The following NIFK variants were observed in gnomAD, a reference collection of about 807,000 sequenced individuals.
NIFK encodes the protein MKI67 FHA domain-interacting nucleolar phosphoprotein.
Under a neutral mutation model 31.7 loss-of-function variants are expected in NIFK, and 16 were observed. The ratio of observed to expected loss-of-function variants is 0.50; its 90% CI spans 0.34 to 0.77. The LOEUF (loss-of-function observed/expected upper bound fraction) is 0.77. Ranked by LOEUF, NIFK falls within the 30% of genes least tolerant of loss-of-function variation. NIFK has a pLI of 0.01. For synonymous variants in NIFK, 126 were observed against 123.0 expected (o/e 1.02, Z -0.16); for missense variants, 341 against 350.4 (o/e 0.97, Z 0.21).
rs183516657 is a variant in NIFK at position 121,727,414 on chromosome 2, C to T, written c.*310G>A. On this transcript the variant is annotated 3_prime_UTR_variant, in exon 7 of 7. Coordinates refer to ENST00000285814, the MANE Select transcript of NIFK (RefSeq NM_032390.5). ...AAAAGGCTGCAGTTTAGTACTTAAA[C>T]CTGCAGTTAGTGGTCAACTTTCTAT... 6.5e-3 allele frequency: 3,480 copies of T among 533,130 alleles called. 21 individuals carry two copies. Among genetic ancestry groups the T allele is most frequent in the Admixed American group, 0.01 (450 of 44,462 alleles). 33.0% of individuals were successfully genotyped at this position (533,130 alleles called of 1,614,324 possible).
At chr2:121,732,265 C>T in intron 2 of NIFK, 61 bp from the exon 3 acceptor site, 1 of 937,466 alleles carries the variant, frequency 1.1e-6, no homozygotes. Flanking sequence ...TCATCAAATT[C>T]CTAAAATGCC....
chr2:121,733,844 T>A (rs75438388), intron 2 of NIFK, among the ~76,000 whole-genome samples: 4 of 152,216 alleles, frequency 2.6e-5, no homozygotes, highest in Admixed American at 6.5e-5. Flanking sequence ...AAACTTTTTT[T>A]AAAACCCTCA....
At position 121,727,156 on chromosome 2, in the gene NIFK, A is replaced by C. The variant is rs1430789096; in HGVS notation, c.*568T>G. ...TTATTAATTCATGCTAGCACAACCA[A>C]AACTAATTTAACATTATTGGTAAAA... On this transcript the variant is annotated 3_prime_UTR_variant, in exon 7 of 7. Transcript: ENST00000285814. 4 of 251,262 alleles carry C rather than the reference A, an allele frequency of 1.6e-5. No individual in the cohort carries two copies. The highest frequency in any genetic ancestry group is 6.8e-5 in the African/African-American group (3 of 44,212). 15.6% of individuals were successfully genotyped at this position (251,262 alleles called of 1,614,324 possible).
chr2:121,728,027 G>C, intron 6 of NIFK, 115 bp from the exon 7 acceptor site: 3 of 1,004,246 alleles, frequency 3.0e-6, no homozygotes, highest in Non-Finnish European at 4.3e-6. Context: ...TTTTAGCTCT[G>C]TTACCATCTT....
At chr2:121,732,852 G>C (rs1048106958) in intron 2 of NIFK, among the ~76,000 whole-genome samples, 2 of 152,010 alleles carry the variant, frequency 1.3e-5, no homozygotes, top group Non-Finnish European at 2.9e-5. Flanking sequence ...GGAGGCCAAG[G>C]AGGGTGGATC....
rs1462593906 is a variant in NIFK, at chr2:121,736,759, T to C, written c.92A>G (p.Lys31Arg). The C allele has an allele frequency of 2.5e-6, 4 of 1,613,868 alleles. No individual in the cohort carries two copies. The highest frequency in any genetic ancestry group is 3.4e-6 in the Non-Finnish European group (4 of 1,179,842). The change falls in exon 1 of 7, where the codon AAG becomes AGG. Residue 31 changes from lysine (K) to arginine (R), a missense_variant. Physicochemically the swap from Lys to Arg is conservative, Grantham distance 26. Transcript: ENST00000285814. ...GTGCCTGCTCACCTGGGTTATGCGCTTGCGAACCTGCGCCACCTCCTTTTG... is the reference window on the plus strand; with the variant it reads ...GTGCCTGCTCACCTGGGTTATGCGCCTGCGAACCTGCGCCACCTCCTTTTG... ...EFQKEVAQVR[K>R]RITQRKKQEQ... is the part of the protein sequence containing the mutation.
At chr2:121,730,810 C>A (rs2074533054) in intron 4 of NIFK, 83 bp downstream of exon 4, 4 of 911,956 alleles carry the variant, frequency 4.4e-6, no homozygotes, top group Non-Finnish European at 7.2e-6. Flanking sequence ...GTGGTAAGTG[C>A]TAGGCTAGGT....
At chr2:121,730,831 G>A in intron 4 of NIFK, 62 bp downstream of exon 4, 1 of 1,130,652 alleles carries the variant, frequency 8.8e-7, no homozygotes, top group Non-Finnish European at 1.3e-6. Flanking sequence ...ACTTTACAAG[G>A]TACAAAGCTG....
intron 6 of NIFK, 38 bp downstream of exon 6, chr2:121,728,250 A>G (rs1291761375): frequency 1.6e-6 from 2 of 1,235,578 alleles, no homozygotes; most frequent in Middle Eastern, 2.7e-4. Context: ...AATTATTTCT[A>G]TAATATCTGG....
chr2:121,730,907 C>G lies in NIFK; in HGVS notation c.550G>C (p.Asp184His), dbSNP rs1207110611. The change falls in exon 4 of 7, where the codon GAT becomes CAT. Residue 184 changes from aspartate to histidine, a missense_variant. Asp to His is a moderately conservative substitution (Grantham distance 81). Coordinates refer to ENST00000285814, the MANE Select transcript of NIFK (RefSeq NM_032390.5). ...CGAATATTTACCAAAGAAGGAAAAT[C>G]ATAGTCAATTCCTTTTTTAGCTAAT... is the stretch of plus-strand genomic sequence containing the variant. The part of the protein sequence containing the change: ...KKLAKKGIDY[D>H]FPSLILQKTE... 6.2e-7 allele frequency: 1 copy of G among 1,606,222 alleles called. No individual in the cohort carries two copies. The highest frequency in any genetic ancestry group is 1.3e-5 in the African/African-American group (1 of 74,762).
chr2:121,733,513 T>TA (rs746296814), intron 2 of NIFK, among the ~76,000 whole-genome samples: 122 of 138,780 alleles, frequency 8.8e-4, no homozygotes, highest in Middle Eastern at 3.8e-3. Context: ...AGACTCCATT[T>TA]AAAAAAAAAA....
In NIFK at chr2:121,728,330, A is replaced by C. The variant is rs111246690; in HGVS notation, c.651T>G (p.Val217=). ...TCTCAGGAGTGTCAAGAGTACCTGAAACTTTTTTCTTCTTCTTACGTAAAA... is the reference window on the plus strand; with the variant it reads ...TCTCAGGAGTGTCAAGAGTACCTGACACTTTTTTCTTCTTCTTACGTAAAA... ...GQVLRKKKKK[V]SGTLDTPEKT... Residue 217 remains valine, a synonymous_variant, in exon 6 of 7, where the codon GTT becomes GTG. Transcript: ENST00000285814. 8 of 1,608,690 alleles carry C rather than the reference A, an allele frequency of 5.0e-6. No homozygotes were observed. The highest frequency in any genetic ancestry group is 2.7e-5 in the African/African-American group (2 of 74,858).
intron 2 of NIFK, among the ~76,000 whole-genome samples, chr2:121,734,665 C>A (rs1199779848): frequency 6.6e-6 from 1 of 151,912 alleles, no homozygotes; most frequent in Non-Finnish European, 1.5e-5. Flanking sequence ...TGGTGGCAGG[C>A]GCCTGTAATC....
At chr2:121,730,669 C>A (rs1433781869) in intron 4 of NIFK, 3 of 501,466 alleles carry the variant, frequency 6.0e-6, no homozygotes, top group African/African-American at 1.9e-5. Flanking sequence ...CGTGGAGAAA[C>A]CCCGTCTCTA....
rs779084790 is a variant in NIFK, at chr2:121,736,858, G to A, written c.-8C>T. On this transcript the variant is annotated 5_prime_UTR_variant, in exon 1 of 7. Transcript: ENST00000285814. ...GCCAGAAAAAGTCGCCATGCCAAAAGCCGCCGACGCTAACCACGCGGCGCT... is the reference window on the plus strand; with the variant it reads ...GCCAGAAAAAGTCGCCATGCCAAAAACCGCCGACGCTAACCACGCGGCGCT... 4 of 1,611,590 alleles carry A rather than the reference G, an allele frequency of 2.5e-6. No homozygotes were observed. Among genetic ancestry groups the A allele is most frequent in the Non-Finnish European group, 3.4e-6 (4 of 1,177,910 alleles).
chr2:121,733,810 G>C (rs1009499285), intron 2 of NIFK, among the ~76,000 whole-genome samples: 1 of 152,158 alleles, frequency 6.6e-6, no homozygotes, highest in African/African-American at 2.4e-5. Flanking sequence ...ACATGCATAT[G>C]TATGTGTGCT....
intron 2 of NIFK, among the ~76,000 whole-genome samples, chr2:121,732,944 T>TG (rs2074554160): frequency 6.7e-6 from 1 of 149,564 alleles, no homozygotes; most frequent in Admixed American, 6.7e-5. Flanking sequence ...TAGCTGGGCA[T>TG]GGTGACATGT....
rs772012671 is a variant in NIFK, at chr2:121,735,728, G to A, written c.128C>T (p.Thr43Ile). Residue 43 changes from threonine (T) to isoleucine (I), a missense_variant, in exon 2 of 7, where the codon ACT becomes ATT. By Grantham distance (89) the Thr-to-Ile change is moderately conservative. Transcript: ENST00000285814. ...ITQRKKQEQL[T>I]PGVVYVRHLP... ...GTGGCGCACATAGACTACTCCAGGA[G>A]TAAGTTGTTCTTGTTTTTTTCGCTA... 19 of 1,613,054 alleles carry A rather than the reference G, an allele frequency of 1.2e-5. No homozygotes were observed. Among genetic ancestry groups the A allele is most frequent in the Admixed American group, 3.3e-5 (2 of 59,892 alleles).
chr2:121,728,113 A>G (rs1032908473), intron 6 of NIFK, 175 bp downstream of exon 6: 2 of 689,676 alleles, frequency 2.9e-6, no homozygotes, highest in African/African-American at 3.7e-5. Context: ...ATTAACAAAT[A>G]TAGCATGTTC....
Sources: allele counts gnomAD v4.1 joint callset (sites outside exome capture counted in the v4.1 genomes callset), GRCh38; gene constraint gnomAD v4.1.1; transcripts MANE v1.5; gene names NCBI Gene and HGNC (gene_info 2026-07-23, HGNC 2026-07-21).